Variants in KLF13 observed in about 807,000 individuals in gnomAD.
KLF13 encodes Krueppel-like factor 13.
KLF13 carries 8 observed loss-of-function variants against 16.7 expected under a neutral mutation model. That is an observed-to-expected ratio of 0.48 (90% CI 0.28 to 0.87). The LOEUF is 0.87. Among genes scored for constraint, KLF13 ranks in the 40% least tolerant of loss-of-function variants. The pLI, the probability that KLF13 is intolerant of heterozygous loss-of-function variation, is 0.10. For synonymous variants in KLF13, 245 were observed against 208.4 expected, an observed-to-expected ratio of 1.18 and a Z score of -1.51; for missense variants, 447 against 452.2, an observed-to-expected ratio of 0.99 and a Z score of 0.10.
chr15:31,329,597 C>G (rs968000856), intron 1 of KLF13, among the ~76,000 whole-genome samples: 1 of 152,102 alleles, frequency 6.6e-6, no homozygotes, highest in African/African-American at 2.4e-5. Context: ...TGGCCCCGCG[C>G]GAGCCTCTTG....
rs1186615400 is a variant in KLF13, at chr15:31,428,817, A to AG, written n.118-6553_118-6552insG. The stretch of plus-strand genomic sequence containing the variant: ...GACTCTATCTCAAAAAAAAAAAAAA[A>AG]AAAAAAAAGAAAAAGAAAAAGAAAT... On this transcript the variant is annotated intron_variant and non_coding_transcript_variant, in intron 1 of 1. Coordinates refer to the KLF13 transcript ENST00000558225. Among the ~76,000 whole-genome samples, 806 of 148,096 alleles carry AG rather than the reference A, an allele frequency of 5.4e-3. 12 individuals carry two copies. Among genetic ancestry groups the AG allele is most frequent in the African/African-American group, 0.018 (723 of 40,144 alleles).
chr15:31,395,705 T>C (rs2039944257), intron 2 of KLF13, among the ~76,000 whole-genome samples: 1 of 152,138 alleles, frequency 6.6e-6, no homozygotes, highest in Non-Finnish European at 1.5e-5. Flanking sequence ...TGGTACCTTA[T>C]TGTGGTTTTG....
intron 2 of KLF13, among the ~76,000 whole-genome samples, chr15:31,399,047 C>G (rs975425043): frequency 4.6e-5 from 7 of 152,180 alleles, no homozygotes; most frequent in Non-Finnish European, 8.8e-5. Context: ...GAGGACGGTG[C>G]TGGCTGCCCT....
At chr15:31,426,158 A>G (rs1009960716) in intron 1 of KLF13, among the ~76,000 whole-genome samples, 28 of 152,310 alleles carry the variant, frequency 1.8e-4, no homozygotes, top group East Asian at 7.7e-4. Flanking sequence ...AAAGCCATTC[A>G]ACAAGTCTGT....
At chr15:31,339,818 C>T in intron 1 of KLF13, 1 of 636,458 alleles carries the variant, frequency 1.6e-6, no homozygotes, top group South Asian at 1.7e-5. Flanking sequence ...GTCCTCCCGC[C>T]CCCCGCCTGC....
At position 31,330,229 on chromosome 15, in the gene KLF13, G is replaced by A. The variant is rs114259333; in HGVS notation, c.577+2440G>A. On this transcript the variant is annotated intron_variant, in intron 1 of 1. Transcript: ENST00000307145. ...AAGGTGATGGCTTTGCTGCAGCCGT[G>A]GGCTCTGAGGTGTCCGTGGTTTGTG... Among the ~76,000 whole-genome samples, 1,246 of 152,304 alleles carry A rather than the reference G, an allele frequency of 8.2e-3. 25 individuals carry two copies. The highest frequency in any genetic ancestry group is 0.028 in the African/African-American group (1,171 of 41,550).
chr15:31,374,111 A>G lies in KLF13; in HGVS notation c.*1812A>G, dbSNP rs938636796. ...CAGGACCCAGGCCTAGCCACTGCCC[A>G]CAGCTGATGGTCACTGTTTTGGCTG... On this transcript the variant is annotated 3_prime_UTR_variant, in exon 2 of 2. Coordinates refer to ENST00000307145, the MANE Select transcript of KLF13 (RefSeq NM_015995.4). 6.5e-6 allele frequency: 1 copy of G among 152,712 alleles called. No individual in the cohort carries two copies. Among genetic ancestry groups the G allele is most frequent in the African/African-American group, 2.4e-5 (1 of 41,432 alleles). The allele number at this position is 152,712 out of a possible 1,614,324, so 9.5% of individuals were successfully genotyped here. A position where few individuals can be genotyped will look rare whatever the true frequency, so the allele number is the denominator to read the frequency against.
intron 1 of KLF13, among the ~76,000 whole-genome samples, chr15:31,434,010 T>C (rs1404101017): frequency 6.6e-6 from 1 of 152,122 alleles, no homozygotes; most frequent in Non-Finnish European, 1.5e-5. Flanking sequence ...GAAATCTTTT[T>C]AGAACTAAGA....
intron 1 of KLF13, among the ~76,000 whole-genome samples, chr15:31,423,123 GTA>G (rs1184768607): frequency 8.9e-6 from 1 of 111,758 alleles, no homozygotes; most frequent in African/African-American, 6.5e-5. Context: ...GTATATATAC[GTA>G]TATATACGTA....
chr15:31,431,683 C>T (rs764029170), intron 1 of KLF13, among the ~76,000 whole-genome samples: 5 of 152,186 alleles, frequency 3.3e-5, no homozygotes, highest in Non-Finnish European at 5.9e-5. Context: ...CCAGGATGGT[C>T]GCTATCTCCT....
rs938741588 is a variant in KLF13 at position 31,376,625 on chromosome 15, G to C, written c.*4326G>C. ...AGGCTTGTCTGAGACACATTCCGGAGACCTTTGTACCAGAACTTGGATGCA... is the reference window on the plus strand; with the variant it reads ...AGGCTTGTCTGAGACACATTCCGGACACCTTTGTACCAGAACTTGGATGCA... On this transcript the variant is annotated 3_prime_UTR_variant, in exon 2 of 2. Coordinates refer to ENST00000307145, the MANE Select transcript of KLF13 (RefSeq NM_015995.4). 6.6e-6 allele frequency: 1 copy of C among 152,636 alleles called. No homozygotes were observed. Among genetic ancestry groups the C allele is most frequent in the African/African-American group, 2.4e-5 (1 of 41,446 alleles). The allele number at this position is 152,636 out of a possible 1,614,324, so 9.5% of individuals were successfully genotyped here.
chr15:31,400,670 T>C (rs2040021500), intron 2 of KLF13, among the ~76,000 whole-genome samples: 1 of 151,528 alleles, frequency 6.6e-6, no homozygotes, highest in Non-Finnish European at 1.5e-5. Flanking sequence ...AACTTGGGTT[T>C]TGGATTTTAC....
chr15:31,425,688 C>T (rs1263866159), intron 1 of KLF13, among the ~76,000 whole-genome samples: 1 of 152,050 alleles, frequency 6.6e-6, no homozygotes, highest in Non-Finnish European at 1.5e-5. Context: ...AGCAGCCTGG[C>T]CAACATGGTA....
At chr15:31,417,583 C>T (rs1373663435) in intron 1 of KLF13, among the ~76,000 whole-genome samples, 1 of 151,512 alleles carries the variant, frequency 6.6e-6, no homozygotes, top group African/African-American at 2.4e-5. Flanking sequence ...GTTTTGTTGC[C>T]CAGGCTGGAG....
At chr15:31,365,070 T>G (rs773981755) in intron 1 of KLF13, among the ~76,000 whole-genome samples, 1 of 152,136 alleles carries the variant, frequency 6.6e-6, no homozygotes, top group Non-Finnish European at 1.5e-5. Context: ...ATTGCAGTCT[T>G]GAGGTTGGGA....
downstream of KLF13, among the ~76,000 whole-genome samples, chr15:31,381,765 A>G (rs562763441): frequency 6.6e-6 from 1 of 152,356 alleles, no homozygotes; most frequent in South Asian, 2.1e-4. Context: ...AGTATTCCCT[A>G]TCAACTATTC....
chr15:31,391,995 G>T (rs955469366), upstream of KLF13, among the ~76,000 whole-genome samples: 1 of 152,060 alleles, frequency 6.6e-6, no homozygotes, highest in African/African-American at 2.4e-5. Context: ...CCCTCGGCTG[G>T]GCGGGCGCCG....
chr15:31,393,613 G>C (rs1311280025), exon 2 of KLF13: 2 of 152,430 alleles, frequency 1.3e-5, no homozygotes, highest in African/African-American at 4.8e-5. Context: ...CGCAGCTGCA[G>C]CCGCTTCGGT....
chr15:31,406,776 A>G (rs1490525320), downstream of KLF13, among the ~76,000 whole-genome samples: 1 of 151,960 alleles, frequency 6.6e-6, no homozygotes, highest in Non-Finnish European at 1.5e-5. Context: ...AGACCTATAT[A>G]TTTTCAAGGC....
Sources: gnomAD v4.1 joint callset for allele counts (sites outside exome capture counted in the v4.1 genomes callset) on GRCh38, gnomAD v4.1.1 for gene constraint, MANE v1.5 for transcripts, NCBI Gene and HGNC (gene_info 2026-07-23, HGNC 2026-07-21) for gene names.